BRAF: variants seen among roughly 807,000 people sequenced by gnomAD.
BRAF encodes the protein serine/threonine-protein kinase B-raf.
In BRAF, 16 loss-of-function variants were observed where a neutral mutation model predicts 104.6. The observed-to-expected ratio is 0.15, with a 90% CI of 0.10 to 0.23. The LOEUF (loss-of-function observed/expected upper bound fraction) is 0.23, where lower values mean the gene tolerates loss of function less well. Among genes scored for constraint, BRAF ranks in the 10% least tolerant of loss-of-function variants. The pLI is 1.00. For missense variants in BRAF, 541 were observed against 937.3 expected, an observed-to-expected ratio of 0.58 and a Z score of 5.52; for synonymous variants, 310 against 341.6, an observed-to-expected ratio of 0.91 and a Z score of 1.02.
chr7:140,716,879 T>G (rs981433454), downstream of BRAF, among the ~76,000 whole-genome samples: 1 of 152,180 alleles, frequency 6.6e-6, no homozygotes, highest in African/African-American at 2.4e-5. Context: ...ATAGAAGAGG[T>G]TGACCCTGTC....
intron 12 of BRAF, chr7:140,780,655 A>C (rs2129022360): frequency 6.6e-6 from 1 of 152,274 alleles, no homozygotes; most frequent in East Asian, 1.9e-4. Context: ...TTTCTACATC[A>C]ATAAATGTAC....
rs1795287628 is a variant in BRAF, at chr7:140,720,882, T to C, written c.*5612A>G. The C allele has an allele frequency of 3.8e-6, 4 of 1,065,956 alleles. No individual in the cohort carries two copies. The highest frequency in any genetic ancestry group is 9.1e-5 in the South Asian group (2 of 21,992). 66.0% of individuals were successfully genotyped at this position (1,065,956 alleles called of 1,614,324 possible). A position where few individuals can be genotyped will look rare whatever the true frequency, so the allele number is the denominator to read the frequency against. ...TCCCACCCGTCAACAGACCCTTCCT[T>C]TGCGGCATCTCTTCACAAATTTTCT... On this transcript the variant is annotated 3_prime_UTR_variant, in exon 20 of 20. Coordinates refer to ENST00000644969, the MANE Select transcript of BRAF (RefSeq NM_001374258.1).
chr7:140,722,417 T>C lies in BRAF; in HGVS notation c.*4077A>G. The C allele has an allele frequency of 1.9e-6, 2 of 1,054,462 alleles. No individual in the cohort carries two copies. The highest frequency in any genetic ancestry group is 2.3e-6 in the Non-Finnish European group (2 of 872,520). 65.3% of individuals were successfully genotyped at this position (1,054,462 alleles called of 1,614,324 possible). A position where few individuals can be genotyped will look rare whatever the true frequency, so the allele number is the denominator to read the frequency against. On this transcript the variant is annotated 3_prime_UTR_variant, in exon 20 of 20. Coordinates refer to ENST00000644969, the MANE Select transcript of BRAF (RefSeq NM_001374258.1). ...TTCTGCTAAAATGTTAGCTTTTTTA[T>C]TGCATCATGAAGGCACAGTAAGATC...
At chr7:140,790,317 G>A (rs1466943645) in intron 8 of BRAF, among the ~76,000 whole-genome samples, 9 of 152,132 alleles carry the variant, frequency 5.9e-5, no homozygotes, top group Non-Finnish European at 1.3e-4. Flanking sequence ...TGTTCTTAAA[G>A]CTCCTTGACA....
chr7:140,878,745 A>C (rs1425694696), intron 1 of BRAF, among the ~76,000 whole-genome samples: 1 of 152,232 alleles, frequency 6.6e-6, no homozygotes, highest in East Asian at 1.9e-4. Flanking sequence ...AGAGAACTGT[A>C]ATGTTTCCAG....
chr7:140,826,945 A>G (rs1304457463), intron 3 of BRAF, among the ~76,000 whole-genome samples: 1 of 152,230 alleles, frequency 6.6e-6, no homozygotes. Flanking sequence ...GGTCTTGTAC[A>G]GTGTGGAATA....
intron 16 of BRAF, among the ~76,000 whole-genome samples, chr7:140,752,769 T>C (rs983549068): frequency 5.3e-5 from 8 of 152,282 alleles, no homozygotes; most frequent in Admixed American, 3.9e-4. Flanking sequence ...TTAAATAAGA[T>C]TGCGAAACAG....
chr7:140,727,414 C>T (rs1432922403), intron 19 of BRAF, among the ~76,000 whole-genome samples: 1 of 151,986 alleles, frequency 6.6e-6, no homozygotes. Context: ...AAACTCCTGA[C>T]CTCAGGTAAT....
At position 140,738,717 on chromosome 7, in the gene BRAF, A is replaced by G. The variant is rs192959380; in HGVS notation, c.2247+1095T>C. Among the ~76,000 whole-genome samples, 133 of 152,222 alleles carry G rather than the reference A, an allele frequency of 8.7e-4. 1 individual carries two copies. The highest frequency in any genetic ancestry group is 3.1e-3 in the African/African-American group (129 of 41,542). ...TTACAATCTCCACCTCCTGGGTTCAAGCGATTCTCATGTCTCAGCCTCCTG... is the reference window on the plus strand; with the variant it reads ...TTACAATCTCCACCTCCTGGGTTCAGGCGATTCTCATGTCTCAGCCTCCTG... On this transcript the variant is annotated intron_variant, in intron 18 of 19. Coordinates refer to ENST00000644969, the MANE Select transcript of BRAF (RefSeq NM_001374258.1).
At chr7:140,865,613 G>A (rs1247446775) in intron 1 of BRAF, among the ~76,000 whole-genome samples, 1 of 152,184 alleles carries the variant, frequency 6.6e-6, no homozygotes, top group Non-Finnish European at 1.5e-5. Context: ...CCTGAATTAT[G>A]TGGACTGTGA....
chr7:140,885,360 TAAC>T (rs1813447709), intron 1 of BRAF, among the ~76,000 whole-genome samples: 2 of 152,138 alleles, frequency 1.3e-5, no homozygotes, highest in Non-Finnish European at 2.9e-5. Flanking sequence ...ATGTCTGCCT[TAAC>T]AAAAGATATC....
rs1390080567 is a variant in BRAF, at chr7:140,725,553, T to C, written c.*941A>G. On this transcript the variant is annotated 3_prime_UTR_variant, in exon 20 of 20. Transcript: ENST00000644969. Reference sequence around the variant, plus strand: ...CTAAATTTCTCACATTCAAAACTGTTATTAAGCAGTTTTGTGGGGGTTTAG... The same window carrying C: ...CTAAATTTCTCACATTCAAAACTGTCATTAAGCAGTTTTGTGGGGGTTTAG... 9.6e-7 allele frequency: 1 copy of C among 1,042,776 alleles called. No homozygotes were observed. The highest frequency in any genetic ancestry group is 5.4e-5 in the East Asian group (1 of 18,484). The allele number at this position is 1,042,776 out of a possible 1,614,324, so 64.6% of individuals were successfully genotyped here.
At chr7:140,907,670 C>T (rs976775864) in intron 1 of BRAF, among the ~76,000 whole-genome samples, 8 of 152,032 alleles carry the variant, frequency 5.3e-5, no homozygotes, top group Non-Finnish European at 7.4e-5. Context: ...TCAAGCGGGT[C>T]CCAAATTCCT....
In BRAF at chr7:140,924,461, G is replaced by A. The variant is rs1219188961; in HGVS notation, c.138+105C>T. 6.7e-7 allele frequency: 1 copy of A among 1,484,988 alleles called. No individual in the cohort carries two copies. The allele number at this position is 1,484,988 out of a possible 1,614,324, so 92.0% of individuals were successfully genotyped here. On this transcript the variant is annotated intron_variant, in intron 1 of 19. Coordinates refer to ENST00000644969, the MANE Select transcript of BRAF (RefSeq NM_001374258.1). The surrounding 1 kb of genome is among the most constrained non-coding windows in gnomAD (Gnocchi z 4.2). ...CAGCCCGCGGAGCTGGCCCGAGAAG[G>A]TGGCTGAGGGCATCAAGCCCCCACC...
At position 140,721,133 on chromosome 7, in the gene BRAF, T is replaced by G; in HGVS notation, c.*5361A>C. 1 of 1,063,842 alleles carries G rather than the reference T, an allele frequency of 9.4e-7. No homozygotes were observed. The allele number at this position is 1,063,842 out of a possible 1,614,324, so 65.9% of individuals were successfully genotyped here. A position where few individuals can be genotyped will look rare whatever the true frequency, so the allele number is the denominator to read the frequency against. Reference sequence around the variant, plus strand: ...CTGGCTTACATTGGCTGTGTCCTCATACACACTCGTCAAGTCACTATAATT... The same window carrying G: ...CTGGCTTACATTGGCTGTGTCCTCAGACACACTCGTCAAGTCACTATAATT... On this transcript the variant is annotated 3_prime_UTR_variant, in exon 20 of 20. Transcript: ENST00000644969.
In BRAF at chr7:140,722,077, C is replaced by A; in HGVS notation, c.*4417G>T. The A allele has an allele frequency of 1.7e-5, 18 of 1,089,764 alleles. No homozygotes were observed. Among genetic ancestry groups the A allele is most frequent in the Non-Finnish European group, 2.0e-5 (18 of 896,440 alleles). The allele number at this position is 1,089,764 out of a possible 1,614,324, so 67.5% of individuals were successfully genotyped here. Reference sequence around the variant, plus strand: ...CCTAAACTACAGCAATTTCTGTCAACATTTCTGTTGTATAAAAGTTCCATG... The same window carrying A: ...CCTAAACTACAGCAATTTCTGTCAAAATTTCTGTTGTATAAAAGTTCCATG... On this transcript the variant is annotated 3_prime_UTR_variant, in exon 20 of 20. Coordinates refer to ENST00000644969, the MANE Select transcript of BRAF (RefSeq NM_001374258.1).
At chr7:140,842,342 G>A (rs565262050) in intron 2 of BRAF, among the ~76,000 whole-genome samples, 37 of 152,172 alleles carry the variant, frequency 2.4e-4, no homozygotes, top group African/African-American at 8.9e-4. Context: ...TAACTCAAAG[G>A]GTAGGCTGAA....
chr7:140,909,810 A>C (rs1312618967), intron 1 of BRAF, among the ~76,000 whole-genome samples: 1 of 100,940 alleles, frequency 9.9e-6, no homozygotes, highest in Non-Finnish European at 1.8e-5. Flanking sequence ...TCCGTCTCAA[A>C]ACAACAACAA....
chr7:140,737,447 C>G (rs1796532181), intron 18 of BRAF, among the ~76,000 whole-genome samples: 1 of 152,166 alleles, frequency 6.6e-6, no homozygotes, highest in Admixed American at 6.5e-5. Context: ...TTCCTAAGTT[C>G]ATTCACCATT....
Sources: allele counts gnomAD v4.1 joint callset (sites outside exome capture counted in the v4.1 genomes callset), GRCh38; gene constraint gnomAD v4.1.1; non-coding constraint Gnocchi (gnomAD v3.1); transcripts MANE v1.5; gene names NCBI Gene and HGNC (gene_info 2026-07-23, HGNC 2026-07-21).